Variants in LRRC45 observed in about 807,000 individuals in gnomAD.
The protein encoded by LRRC45 is leucine rich repeat containing 45.
LRRC45 carries 73 observed loss-of-function variants against 85.4 expected under a neutral mutation model. That is an observed-to-expected ratio of 0.85 (90% CI 0.71 to 1.04). The LOEUF is 1.04. Among genes scored for constraint, LRRC45 ranks in the 50% least tolerant of loss-of-function variants. The pLI is 0.00. For missense variants in LRRC45, 937 were observed against 883.3 expected, an observed-to-expected ratio of 1.06 and a Z score of -0.77; for synonymous variants, 429 against 386.0, an observed-to-expected ratio of 1.11 and a Z score of -1.31.
intron 5 of LRRC45, 49 bp downstream of exon 5, chr17:82,025,556 C>A: frequency 6.8e-7 from 1 of 1,474,678 alleles, no homozygotes; most frequent in South Asian, 1.5e-5. Flanking sequence ...TGACAGAGGC[C>A]TGTCCACCGA....
chr17:82,024,336 A>C lies in LRRC45; in HGVS notation c.279A>C (p.Leu93Phe). The C allele has an allele frequency of 6.2e-7, 1 of 1,612,314 alleles. No homozygotes were observed. The change falls in exon 2 of 17, where the codon TTA becomes TTC. Residue 93 changes from leucine to phenylalanine, a missense_variant. By Grantham distance (22) the Leu-to-Phe change is conservative (BLOSUM62 0). Coordinates refer to ENST00000306688, the MANE Select transcript of LRRC45 (RefSeq NM_144999.4). Reference protein sequence around the residue: ...CANTVLRFLDLKGNNLRAAGA... With the variant: ...CANTVLRFLDFKGNNLRAAGA... Reference sequence around the variant, plus strand: ...ACACCGTGCTGCGCTTTCTGGACTTAAAGGTGAGATACCTGCACTCTTGAG... The same window carrying C: ...ACACCGTGCTGCGCTTTCTGGACTTCAAGGTGAGATACCTGCACTCTTGAG...
chr17:82,030,514 C>T, intron 16 of LRRC45, 48 bp downstream of exon 16: 1 of 1,525,570 alleles, frequency 6.6e-7, no homozygotes, highest in Non-Finnish European at 8.8e-7. Flanking sequence ...GGACGTGAGG[C>T]CAGCCAGAGA....
chr17:82,024,253 G>C (rs748514619), intron 1 of LRRC45, 25 bp from the exon 2 acceptor site: 1 of 1,609,974 alleles, frequency 6.2e-7, no homozygotes, highest in Non-Finnish European at 8.5e-7. Context: ...GGGGCAGAGA[G>C]TGACCGCCGG....
intron 14 of LRRC45, 67 bp from the exon 15 acceptor site, chr17:82,029,998 G>A: frequency 2.1e-6 from 3 of 1,458,882 alleles, no homozygotes; most frequent in Non-Finnish European, 2.7e-6. Context: ...TCGTGCCCGT[G>A]CAGACATTCC....
rs1350021806 is a variant in LRRC45, at chr17:82,030,315, G to A, written c.1669-4G>A. 4 of 1,548,638 alleles carry A rather than the reference G, an allele frequency of 2.6e-6. No individual in the cohort carries two copies. Among genetic ancestry groups the A allele is most frequent in the South Asian group, 1.2e-5 (1 of 84,018 alleles). On this transcript the variant is annotated splice_polypyrimidine_tract_variant and splice_region_variant and intron_variant, in intron 15 of 16. Coordinates refer to ENST00000306688, the MANE Select transcript of LRRC45 (RefSeq NM_144999.4). ...CCTCACTCCCCAGCCTTCGTGCCTG[G>A]CAGGAGCTGAGCCTCAAGGACCAGG...
Position 82,025,540 on chromosome 17 carries a change from A to C in LRRC45, c.661+33A>C. The C allele has an allele frequency of 2.0e-6, 3 of 1,500,306 alleles. No homozygotes were observed. In the South Asian group the frequency reaches 4.1e-5, roughly 21 times the overall value. The allele number at this position is 1,500,306 out of a possible 1,614,324, so 92.9% of individuals were successfully genotyped here. ...GCAGGGCTGTGTGGAGTGACGCGTG[A>C]GCCTTTGACAGAGGCCTGTCCACCG... On this transcript the variant is annotated intron_variant, in intron 5 of 16. Transcript: ENST00000306688.
chr17:82,027,907 T>C (rs1294390810), intron 8 of LRRC45, 104 bp from the exon 9 acceptor site: 1 of 1,523,512 alleles, frequency 6.6e-7, no homozygotes. Flanking sequence ...AGGCGGGTGC[T>C]GGCTGGGGTT....
chr17:82,030,363 G>T lies in LRRC45; in HGVS notation c.1713G>T (p.Arg571Ser). The change falls in exon 16 of 17, where the codon AGG (arginine) becomes AGT (serine). Residue 571 changes from arginine to serine, a missense_variant. Coordinates refer to ENST00000306688, the MANE Select transcript of LRRC45 (RefSeq NM_144999.4). Reference sequence around the variant, plus strand: ...AGGAAAGGGTGGCCGAGGTGAGCAGGGTGCGCGTGGAGCTGCAGGAGCAGA... The same window carrying T: ...AGGAAAGGGTGGCCGAGGTGAGCAGTGTGCGCGTGGAGCTGCAGGAGCAGA... Reference protein sequence around the residue: ...KDQERVAEVSRVRVELQEQNG... With the variant: ...KDQERVAEVSSVRVELQEQNG... The T allele has an allele frequency of 6.5e-7, 1 of 1,549,886 alleles. No homozygotes were observed. The highest frequency in any genetic ancestry group is 2.4e-5 in the East Asian group (1 of 40,958).
At chr17:82,023,934 T>A in intron 1 of LRRC45, 71 bp downstream of exon 1, 1 of 1,381,648 alleles carries the variant, frequency 7.2e-7, no homozygotes, top group Non-Finnish European at 9.8e-7. Context: ...CAGCCCGAGG[T>A]CGCTTCCTCT....
In LRRC45 at chr17:82,030,873, C is replaced by A; in HGVS notation, c.*68C>A. The A allele has an allele frequency of 8.6e-7, 1 of 1,167,450 alleles. No homozygotes were observed. The highest frequency in any genetic ancestry group is 1.1e-6 in the Non-Finnish European group (1 of 904,232). The allele number at this position is 1,167,450 out of a possible 1,614,324, so 72.3% of individuals were successfully genotyped here. A position where few individuals can be genotyped will look rare whatever the true frequency, so the allele number is the denominator to read the frequency against. On this transcript the variant is annotated 3_prime_UTR_variant, in exon 17 of 17. Transcript: ENST00000306688. The stretch of plus-strand genomic sequence containing the variant: ...GGCGCCCGAGATGGACCAGGGGCTG[C>A]GTCCCGCCCGCGCCGCCTCTTTGAG...
intron 5 of LRRC45, among the ~76,000 whole-genome samples, chr17:82,026,455 A>G (rs2144142478): frequency 6.6e-6 from 1 of 152,266 alleles, no homozygotes; most frequent in Admixed American, 6.5e-5. Flanking sequence ...TTGCCGGGTG[A>G]GACGCTGCCC....
Position 82,023,612 on chromosome 17 carries a change from A to C in LRRC45, c.-32A>C, listed in dbSNP as rs781154666. Reference sequence around the variant, plus strand: ...GCTCCCTTTCAGCAGCTGCGGGAGCATGCGGAGGAGGCCCTGCCGGCCCCG... The same window carrying C: ...GCTCCCTTTCAGCAGCTGCGGGAGCCTGCGGAGGAGGCCCTGCCGGCCCCG... On this transcript the variant is annotated 5_prime_UTR_variant, in exon 1 of 17. An upstream start codon of the reference 5' UTR is lost. Coordinates refer to ENST00000306688, the MANE Select transcript of LRRC45 (RefSeq NM_144999.4). 2 of 1,494,094 alleles carry C rather than the reference A, an allele frequency of 1.3e-6. No homozygotes were observed. Among genetic ancestry groups the C allele is most frequent in the South Asian group, 1.3e-5 (1 of 78,988 alleles). 92.6% of individuals were successfully genotyped at this position (1,494,094 alleles called of 1,614,324 possible).
In LRRC45 at chr17:82,027,686, C is replaced by T. The variant is rs1004500899; in HGVS notation, c.846C>T (p.Ala282=). The part of the protein sequence containing the change: ...EMAKSSRASA[A]RVGQLQEALN... ...TCTCTGCCCACAGGGCGTCGGCAGC[C>T]CGTGTAGGGCAGCTTCAGGAAGCCC... Residue 282 remains alanine (A), a synonymous_variant, in exon 8 of 17, where the codon GCC becomes GCT. Coordinates refer to ENST00000306688, the MANE Select transcript of LRRC45 (RefSeq NM_144999.4). 2 of 1,610,568 alleles carry T rather than the reference C, an allele frequency of 1.2e-6. No homozygotes were observed. Among genetic ancestry groups the T allele is most frequent in the Non-Finnish European group, 1.7e-6 (2 of 1,179,002 alleles).
intron 6 of LRRC45, 128 bp downstream of exon 6, chr17:82,027,139 C>A: frequency 1.1e-6 from 1 of 925,036 alleles, no homozygotes; most frequent in Non-Finnish European, 1.7e-6. Context: ...CTCTGAGTGG[C>A]TGGTACCAGG....
chr17:82,024,362 T>C (rs1426487415), intron 2 of LRRC45, 23 bp downstream of exon 2: 1 of 1,611,432 alleles, frequency 6.2e-7, no homozygotes, highest in Non-Finnish European at 8.5e-7. Flanking sequence ...CACTCTTGAG[T>C]GTCCGAGTGT....
Position 82,027,425 on chromosome 17 carries a change from G to A in LRRC45, c.814G>A (p.Glu272Lys). ...GGAGACTATTGATAAGCAGCGAGAA[G>A]AGATGGCCAAGAGCAGCAGGTGAGC... ...LMETIDKQRE[E>K]MAKSSRASAA... is the part of the protein sequence containing the mutation. Residue 272 changes from glutamate to lysine, a missense_variant, in exon 7 of 17, where the codon GAG (glutamate) becomes AAG (lysine). Coordinates refer to ENST00000306688, the MANE Select transcript of LRRC45 (RefSeq NM_144999.4). 6.2e-7 allele frequency: 1 copy of A among 1,612,752 alleles called. No individual in the cohort carries two copies. The highest frequency in any genetic ancestry group is 8.5e-7 in the Non-Finnish European group (1 of 1,179,968).
intron 14 of LRRC45, 72 bp from the exon 15 acceptor site, chr17:82,029,993 C>T (rs2043403200): frequency 2.1e-6 from 3 of 1,447,192 alleles, no homozygotes; most frequent in African/African-American, 2.8e-5. Context: ...TGGGGTCGTG[C>T]CCGTGCAGAC....
chr17:82,026,722 G>A (rs1353147343), intron 5 of LRRC45, 177 bp from the exon 6 acceptor site: 1 of 475,130 alleles, frequency 2.1e-6, no homozygotes, highest in Non-Finnish European at 4.0e-6. Context: ...GGGATTACAG[G>A]TGTGCGCTAC....
In LRRC45 at chr17:82,023,529, C is replaced by G. The variant is rs887736611; in HGVS notation, c.-115C>G. ...GAGCCCACTCGGATTGCTCTCCGCC[C>G]GGGTCGGCGGAGGCCCCGTCTCCTG... On this transcript the variant is annotated 5_prime_UTR_variant, in exon 1 of 17. Coordinates refer to ENST00000306688, the MANE Select transcript of LRRC45 (RefSeq NM_144999.4). The G allele has an allele frequency of 1.1e-6, 1 of 929,798 alleles. No homozygotes were observed. The highest frequency in any genetic ancestry group is 1.5e-6 in the Non-Finnish European group (1 of 648,064). 57.6% of individuals were successfully genotyped at this position (929,798 alleles called of 1,614,324 possible).
Sources: gnomAD v4.1 joint callset for allele counts (sites outside exome capture counted in the v4.1 genomes callset) on GRCh38, gnomAD v4.1.1 for gene constraint, MANE v1.5 for transcripts, NCBI Gene and HGNC (gene_info 2026-07-23, HGNC 2026-07-21) for gene names.